NOP53: variants seen among roughly 807,000 people sequenced by gnomAD.
NOP53 encodes NOP53 ribosome biogenesis factor.
In NOP53, 40 loss-of-function variants were observed where a neutral mutation model predicts 61.0. The ratio of observed to expected loss-of-function variants is 0.66; its 90% CI spans 0.51 to 0.85. The LOEUF is 0.85. Among genes scored for constraint, NOP53 ranks in the 40% least tolerant of loss-of-function variants. The pLI is 0.00. For synonymous variants in NOP53, 308 were observed against 289.5 expected (o/e 1.06, Z -0.65); for missense variants, 689 against 652.9 (o/e 1.06, Z -0.60).
In NOP53 at chr19:47,754,304, C is replaced by T; in HGVS notation, c.766-223C>T. On this transcript the variant is annotated intron_variant, in intron 6 of 12. Transcript: ENST00000246802. The surrounding 1 kb of genome is among the most constrained non-coding windows in gnomAD (Gnocchi z 4.2). The stretch of plus-strand genomic sequence containing the variant: ...AAAAAAAAATGTGAAGCGTGCAGGT[C>T]AGACTGCCTTCACAGACGTGCAGAG... The T allele has an allele frequency of 3.6e-6, 2 of 557,232 alleles. No individual in the cohort carries two copies. Among genetic ancestry groups the T allele is most frequent in the East Asian group, 2.9e-5 (1 of 35,042 alleles). 34.5% of individuals were successfully genotyped at this position (557,232 alleles called of 1,614,324 possible).
At chr19:47,752,016 A>C (rs2123675070) in intron 5 of NOP53, among the ~76,000 whole-genome samples, 1 of 152,268 alleles carries the variant, frequency 6.6e-6, no homozygotes, top group East Asian at 1.9e-4. Context: ...CTGAGGCAGG[A>C]GAATCGCTTG....
intron 3 of NOP53, 89 bp downstream of exon 3, chr19:47,750,375 C>A: frequency 2.5e-6 from 2 of 793,936 alleles, no homozygotes; most frequent in South Asian, 1.4e-5. Context: ...AGGTGAGGGT[C>A]ATTTGAAGGG....
intron 1 of NOP53, chr19:47,746,061 G>A (rs1490839740): frequency 2.1e-6 from 1 of 479,814 alleles, no homozygotes; most frequent in East Asian, 3.5e-5. Context: ...GCATAAATAC[G>A]TTCCATGCAT....
At chr19:47,746,863 G>A (rs939203962) in intron 1 of NOP53, 104 bp from the exon 2 acceptor site, 52 of 896,954 alleles carry the variant, frequency 5.8e-5, no homozygotes, top group South Asian at 4.0e-4. Context: ...GGAAGAGTCC[G>A]GTGGCGGGAC....
In NOP53 at chr19:47,755,466, G is replaced by A. The variant is rs1025817591; in HGVS notation, c.1172G>A (p.Arg391Gln). 1.0e-5 allele frequency: 15 copies of A among 1,495,622 alleles called. No homozygotes were observed. The highest frequency in any genetic ancestry group is 1.3e-5 in the South Asian group (1 of 75,982). The allele number at this position is 1,495,622 out of a possible 1,614,324, so 92.6% of individuals were successfully genotyped here. ...RLAELARRQR[R>Q]RQARREAEAD... ...GCGGAGCTGGCGCGGCGGCAGAGGCGGCGGCAGGCGCGGCGGGAGGCTGAG... is the reference window on the plus strand; with the variant it reads ...GCGGAGCTGGCGCGGCGGCAGAGGCAGCGGCAGGCGCGGCGGGAGGCTGAG... The change falls in exon 9 of 13, where the codon CGG becomes CAG. Residue 391 changes from arginine to glutamine, a missense_variant. By Grantham distance (43) the Arg-to-Gln change is conservative. Coordinates refer to ENST00000246802, the MANE Select transcript of NOP53 (RefSeq NM_015710.5).
chr19:47,748,281 C>CT (rs1967087739), intron 2 of NOP53, among the ~76,000 whole-genome samples: 1 of 151,914 alleles, frequency 6.6e-6, no homozygotes, highest in Admixed American at 6.6e-5. Context: ...TAACACACGT[C>CT]TTAACTTGCT....
At chr19:47,746,116 A>ATATATGTGTGTGTATATATATGTG in intron 1 of NOP53, 1 of 345,120 alleles carries the variant, frequency 2.9e-6, no homozygotes, top group East Asian at 5.6e-5. Flanking sequence ...GTGTGTATGT[A>ATATATGTGTGTGTATATATATGTG]TATATGTGTG....
At chr19:47,748,395 AAAAC>A (rs1277545573) in intron 2 of NOP53, among the ~76,000 whole-genome samples, 2 of 152,120 alleles carry the variant, frequency 1.3e-5, no homozygotes, top group Non-Finnish European at 2.9e-5. Flanking sequence ...AATATGTAGA[AAAAC>A]AAACTAAGAA....
In NOP53 at chr19:47,754,933, C is replaced by T. The variant is rs1157204333; in HGVS notation, c.1053+42C>T. 1 of 1,456,446 alleles carries T rather than the reference C, an allele frequency of 6.9e-7. No individual in the cohort carries two copies. Among genetic ancestry groups the T allele is most frequent in the Non-Finnish European group, 9.0e-7 (1 of 1,108,960 alleles). 90.2% of individuals were successfully genotyped at this position (1,456,446 alleles called of 1,614,324 possible). On this transcript the variant is annotated intron_variant, in intron 8 of 12. Transcript: ENST00000246802. This position sits in a 1 kb window ranked among gnomAD's most constrained non-coding sequence, Gnocchi z 4.2. ...GCGGGGCCTGCCTCTGATGCCTCGC[C>T]CCCTTCCTTCCTTCCTCCCACCATG...
At position 47,745,774 on chromosome 19, in the gene NOP53, G is replaced by A; in HGVS notation, c.215G>A (p.Arg72His). The change falls in exon 1 of 13, where the codon CGC (arginine) becomes CAC (histidine). Residue 72 changes from arginine to histidine, a missense_variant. Arg to His is a conservative substitution (Grantham distance 29, BLOSUM62 0). Transcript: ENST00000246802. The stretch of plus-strand genomic sequence containing the variant: ...CTGGAAGACGTGCGGCTACAGGAGC[G>A]CACGAGCGGGTACGTTGGGCGGGAC... Reference protein sequence around the residue: ...QFLEDVRLQERTSGGLLSEAP... With the variant: ...QFLEDVRLQEHTSGGLLSEAP... 6.4e-7 allele frequency: 1 copy of A among 1,556,496 alleles called. No individual in the cohort carries two copies. Among genetic ancestry groups the A allele is most frequent in the Non-Finnish European group, 8.7e-7 (1 of 1,152,356 alleles).
At chr19:47,753,551 GC>G (rs1474367384) in intron 6 of NOP53, 1 of 152,104 alleles carries the variant, frequency 6.6e-6, no homozygotes, top group Non-Finnish European at 1.5e-5. Context: ...ATCGTTTTCA[GC>G]ATTCATAAGA....
At chr19:47,746,774 A>G (rs953589498) in intron 1 of NOP53, 193 bp from the exon 2 acceptor site, 1 of 508,614 alleles carries the variant, frequency 2.0e-6, no homozygotes, top group Non-Finnish European at 3.5e-6. Context: ...AAGTGCTGGG[A>G]TTACAGGCGT....
At chr19:47,747,078 G>T in intron 2 of NOP53, 47 bp downstream of exon 2, 1 of 1,442,566 alleles carries the variant, frequency 6.9e-7, no homozygotes, top group Non-Finnish European at 9.7e-7. Flanking sequence ...TTCATTGTTA[G>T]TCAGCTTACG....
At chr19:47,755,126 G>A (rs1272381727) in intron 8 of NOP53, among the ~76,000 whole-genome samples, 3 of 152,088 alleles carry the variant, frequency 2.0e-5, no homozygotes, top group Non-Finnish European at 2.9e-5. Context: ...GAGGGGCGGG[G>A]TGGGGGGAGG....
chr19:47,747,135 T>G (rs191507970), intron 2 of NOP53, 104 bp downstream of exon 2: 937 of 905,452 alleles, frequency 1.0e-3, no homozygotes, highest in Middle Eastern at 2.9e-3. Context: ...AAGGCAAATA[T>G]CTGCGGAAAC....
At chr19:47,753,270 C>G (rs1476752972) in intron 6 of NOP53, 1 of 152,352 alleles carries the variant, frequency 6.6e-6, no homozygotes, top group East Asian at 1.9e-4. Context: ...ATGGTGAAAC[C>G]CTGTCTCTAC....
Position 47,750,777 on chromosome 19 carries a change from G to C in NOP53, c.399-131G>C, listed in dbSNP as rs750982674. The C allele has an allele frequency of 4.1e-6, 3 of 729,220 alleles. No individual in the cohort carries two copies. The Admixed American group carries it at 6.8e-5, about 16-fold the overall frequency. The allele number at this position is 729,220 out of a possible 1,614,324, so 45.2% of individuals were successfully genotyped here. A position where few individuals can be genotyped will look rare whatever the true frequency, so the allele number is the denominator to read the frequency against. On this transcript the variant is annotated intron_variant, in intron 3 of 12. Transcript: ENST00000246802. ...GAGAGGAGTTCTCTGAAGAGGGGGCGGAGTGCCACCTTTTGGAGAGGGGGT... is the reference window on the plus strand; with the variant it reads ...GAGAGGAGTTCTCTGAAGAGGGGGCCGAGTGCCACCTTTTGGAGAGGGGGT...
At chr19:47,755,213 G>T (rs970938118) in intron 8 of NOP53, 135 bp from the exon 9 acceptor site, 1 of 592,086 alleles carries the variant, frequency 1.7e-6, no homozygotes, top group African/African-American at 2.0e-5. Context: ...CACTGGAGGG[G>T]CCGCTGATGT....
intron 2 of NOP53, 62 bp downstream of exon 2, chr19:47,747,093 C>T (rs1599912578): frequency 7.0e-6 from 9 of 1,283,918 alleles, no homozygotes; most frequent in Non-Finnish European, 1.0e-5. Context: ...CTTACGGTAG[C>T]CTCTGAGATC....
Sources: allele counts gnomAD v4.1 joint callset (sites outside exome capture counted in the v4.1 genomes callset), GRCh38; gene constraint gnomAD v4.1.1; non-coding constraint Gnocchi (gnomAD v3.1); transcripts MANE v1.5; gene names NCBI Gene and HGNC (gene_info 2026-07-23, HGNC 2026-07-21).